TBC1D1: variants seen among roughly 807,000 people sequenced by gnomAD.
TBC1D1 encodes TBC1 (tre-2/USP6, BUB2, cdc16) domain family, member 1.
In TBC1D1, 89 loss-of-function variants were observed where a neutral mutation model predicts 125.6. The observed-to-expected ratio is 0.71, with a 90% CI of 0.60 to 0.85. The LOEUF is 0.85. TBC1D1 is among the 40% of genes least tolerant of loss of function. The probability of loss-of-function intolerance (pLI) is 0.00; values close to 1 mark genes in which losing one functional copy is unlikely to be tolerated. For synonymous variants in TBC1D1, 565 were observed against 564.1 expected (o/e 1.00, Z -0.02); for missense variants, 1,377 against 1,469.2 (o/e 0.94, Z 1.03).
chr4:37,959,414 C>A (rs1729540970), intron 2 of TBC1D1, among the ~76,000 whole-genome samples: 1 of 152,250 alleles, frequency 6.6e-6, no homozygotes, highest in East Asian at 1.9e-4. Context: ...TCATACAGGT[C>A]TTCACCCTCA....
At chr4:37,970,861 A>C (rs1181101215) in intron 2 of TBC1D1, among the ~76,000 whole-genome samples, 1 of 152,188 alleles carries the variant, frequency 6.6e-6, no homozygotes, top group Non-Finnish European at 1.5e-5. Context: ...CAATGGCTCT[A>C]TTTTTAACCA....
intron 12 of TBC1D1, among the ~76,000 whole-genome samples, chr4:38,088,817 T>C (rs1757966032): frequency 6.6e-6 from 1 of 152,108 alleles, no homozygotes; most frequent in South Asian, 2.1e-4. Flanking sequence ...ACAAAATCAA[T>C]AATGACAGAG....
At chr4:37,981,225 G>A (rs371621078) in intron 2 of TBC1D1, among the ~76,000 whole-genome samples, 68 of 152,320 alleles carry the variant, frequency 4.5e-4, no homozygotes, top group African/African-American at 1.5e-3. Flanking sequence ...TTACAGGTGT[G>A]AGCCATTGCA....
At chr4:37,978,904 C>T (rs1485643020) in intron 2 of TBC1D1, among the ~76,000 whole-genome samples, 3 of 152,160 alleles carry the variant, frequency 2.0e-5, no homozygotes, top group African/African-American at 7.2e-5. Flanking sequence ...GAGACAGAGT[C>T]TTACTCTTGT....
rs2152653628 is a variant in TBC1D1, at chr4:38,137,531, T to C, written c.*196T>C. 1.3e-6 allele frequency: 1 copy of C among 741,286 alleles called. No homozygotes were observed. Among genetic ancestry groups the C allele is most frequent in the East Asian group, 3.1e-5 (1 of 31,988 alleles). The allele number at this position is 741,286 out of a possible 1,614,324, so 45.9% of individuals were successfully genotyped here. Reference sequence around the variant, plus strand: ...GTCCCAGTGTTTTTTTTGTTGTTTTTAGATACTAAATCGTCCCTTCTCCAG... The same window carrying C: ...GTCCCAGTGTTTTTTTTGTTGTTTTCAGATACTAAATCGTCCCTTCTCCAG... On this transcript the variant is annotated 3_prime_UTR_variant, in exon 20 of 20. Transcript: ENST00000261439.
chr4:37,898,395 A>C (rs1007704533), intron 1 of TBC1D1, among the ~76,000 whole-genome samples: 1 of 152,224 alleles, frequency 6.6e-6, no homozygotes, highest in Admixed American at 6.5e-5. Context: ...ATGACTCTCC[A>C]TGGGTCCTTC....
At chr4:37,928,329 A>G (rs187436034) in intron 2 of TBC1D1, among the ~76,000 whole-genome samples, 2 of 152,362 alleles carry the variant, frequency 1.3e-5, no homozygotes, top group African/African-American at 4.8e-5. Context: ...GATGAAGTCC[A>G]ACAGCGGCAA....
intron 2 of TBC1D1, among the ~76,000 whole-genome samples, chr4:37,944,806 G>C (rs912001436): frequency 6.6e-6 from 1 of 152,214 alleles, no homozygotes; most frequent in Non-Finnish European, 1.5e-5. Context: ...GCCTCGCCCT[G>C]CTTCGGCTCA....
At chr4:38,127,541 G>A (rs553654801) in intron 18 of TBC1D1, among the ~76,000 whole-genome samples, 7 of 152,088 alleles carry the variant, frequency 4.6e-5, no homozygotes, top group South Asian at 2.1e-4. Context: ...GTGCCACCAC[G>A]CTCAGCTAAT....
chr4:38,068,136 A>G (rs914858458), intron 12 of TBC1D1, among the ~76,000 whole-genome samples: 1 of 152,154 alleles, frequency 6.6e-6, no homozygotes, highest in Non-Finnish European at 1.5e-5. Flanking sequence ...TCCAAGCAGA[A>G]CAAAACAGGA....
intron 2 of TBC1D1, among the ~76,000 whole-genome samples, chr4:37,930,759 A>G (rs565505918): frequency 9.2e-5 from 14 of 152,358 alleles, no homozygotes; most frequent in Admixed American, 3.3e-4. Context: ...TGAAGATTTT[A>G]TTTTGCATGA....
At chr4:38,036,638 TAC>T (rs1747273646) in intron 8 of TBC1D1, among the ~76,000 whole-genome samples, 1 of 152,198 alleles carries the variant, frequency 6.6e-6, no homozygotes, top group Admixed American at 6.5e-5. Flanking sequence ...TCATGGGGTG[TAC>T]ACTTAGCAAA....
In TBC1D1 at chr4:38,041,972, G is replaced by A. The variant is rs118154595; in HGVS notation, c.1414-2390G>A. Reference sequence around the variant, plus strand: ...GTGGATCATTTAAGGCCAGGAGTTCGAGAACAGCCTGGTCAACATGGCGAA... The same window carrying A: ...GTGGATCATTTAAGGCCAGGAGTTCAAGAACAGCCTGGTCAACATGGCGAA... On this transcript the variant is annotated intron_variant, in intron 8 of 19. Transcript: ENST00000261439. Among the ~76,000 whole-genome samples the A allele has an allele frequency of 1.2e-3, 175 of 152,152 alleles. 2 individuals carry two copies. The East Asian group carries it at 0.03, about 26-fold the overall frequency.
At chr4:37,974,323 A>G (rs1732624543) in intron 2 of TBC1D1, among the ~76,000 whole-genome samples, 1 of 148,752 alleles carries the variant, frequency 6.7e-6, no homozygotes, top group Admixed American at 6.7e-5. Flanking sequence ...TTCGACATCT[A>G]GGGCTCAAAT....
intron 2 of TBC1D1, among the ~76,000 whole-genome samples, chr4:38,012,943 G>A (rs1375619911): frequency 2.0e-5 from 3 of 152,128 alleles, no homozygotes; most frequent in Admixed American, 2.0e-4. Context: ...ACAGGCACCT[G>A]CCACCACGCC....
intron 2 of TBC1D1, among the ~76,000 whole-genome samples, chr4:37,928,188 G>C (rs943404625): frequency 6.6e-6 from 1 of 152,132 alleles, no homozygotes; most frequent in African/African-American, 2.4e-5. Flanking sequence ...CATATAGTTG[G>C]AACTACTAGT....
At position 37,932,128 on chromosome 4, in the gene TBC1D1, G is replaced by A. The variant is rs543583120; in HGVS notation, c.417+29616G>A. ...CCAGAATAAACAGTCTGAATCTTCA[G>A]TGAGAGCTATGAAACCTAACTCCCA... On this transcript the variant is annotated intron_variant, in intron 2 of 19. Coordinates refer to ENST00000261439, the MANE Select transcript of TBC1D1 (RefSeq NM_015173.4). 5.9e-5 allele frequency among the ~76,000 whole-genome samples: 9 copies of A among 152,322 alleles called. No individual in the cohort carries two copies. The East Asian group carries it at 1.7e-3, about 29-fold the overall frequency.
At chr4:38,108,180 G>T (rs1213930142) in intron 15 of TBC1D1, among the ~76,000 whole-genome samples, 1 of 152,128 alleles carries the variant, frequency 6.6e-6, no homozygotes, top group Non-Finnish European at 1.5e-5. Flanking sequence ...GGCTCCCACT[G>T]TCGTCCTGAC....
At chr4:37,978,659 A>G (rs1733742018) in intron 2 of TBC1D1, among the ~76,000 whole-genome samples, 1 of 137,098 alleles carries the variant, frequency 7.3e-6, no homozygotes, top group Non-Finnish European at 1.6e-5. Context: ...TTTTCTTACT[A>G]GGTAAATAAC....
Sources: allele counts gnomAD v4.1 joint callset (sites outside exome capture counted in the v4.1 genomes callset), GRCh38; gene constraint gnomAD v4.1.1; transcripts MANE v1.5; gene names NCBI Gene and HGNC (gene_info 2026-07-23, HGNC 2026-07-21).